TRMT11: variants seen among roughly 807,000 people sequenced by gnomAD.
The protein encoded by TRMT11 is tRNA methyltransferase 11, also known as tRNA (guanine(10)-N(2))-methyltransferase TRMT11.
Under a neutral mutation model 62.8 loss-of-function variants are expected in TRMT11, and 53 were observed. The observed-to-expected ratio is 0.84, with a 90% confidence interval of 0.68 to 1.06. The LOEUF (loss-of-function observed/expected upper bound fraction) is 1.06, where lower values mean the gene tolerates loss of function less well. Among genes scored for constraint, TRMT11 ranks in the 50% least tolerant of loss-of-function variants. The pLI is 0.00. For missense variants in TRMT11, 556 were observed against 553.4 expected (o/e 1.00, Z -0.05); for synonymous variants, 188 against 190.3 (o/e 0.99, Z 0.10).
intron 7 of TRMT11, among the ~76,000 whole-genome samples, chr6:126,006,346 G>A (rs1343631852): frequency 6.6e-6 from 1 of 151,304 alleles, no homozygotes; most frequent in African/African-American, 2.4e-5. Context: ...CTCCACGTTT[G>A]CAAAGCTTTC....
chr6:126,011,757 A>T (rs1012796255), intron 9 of TRMT11, among the ~76,000 whole-genome samples: 10 of 152,066 alleles, frequency 6.6e-5, no homozygotes, highest in African/African-American at 2.4e-4. Flanking sequence ...TATTATACCA[A>T]CTGGAGCTCA....
intron 7 of TRMT11, 24 bp from the exon 8 acceptor site, chr6:126,008,368 G>A (rs1296853430): frequency 6.2e-7 from 1 of 1,608,916 alleles, no homozygotes; most frequent in South Asian, 1.1e-5. Context: ...CTGGTTAACA[G>A]GTCAAAATTG....
At chr6:126,176,782 A>G (rs1778390100), upstream of TRMT11, among the ~76,000 whole-genome samples, 1 of 152,186 alleles carries the variant, frequency 6.6e-6, no homozygotes. Flanking sequence ...AAGCCCATTA[A>G]AATGATTGTT....
At chr6:126,213,701 A>T in the TRMT11 span, among the ~76,000 whole-genome samples, 30 of 152,152 alleles carry the variant, frequency 2.0e-4, no homozygotes, top group South Asian at 6.2e-3. Flanking sequence ...AAACAATGAT[A>T]CTTTGACTTC....
the TRMT11 span, among the ~76,000 whole-genome samples, chr6:126,215,936 C>G: frequency 6.6e-6 from 1 of 152,136 alleles, no homozygotes; most frequent in South Asian, 2.1e-4. Flanking sequence ...CTTGTACTGT[C>G]TATGACTTAA....
At chr6:126,228,305 C>T in the TRMT11 span, among the ~76,000 whole-genome samples, 2 of 152,196 alleles carry the variant, frequency 1.3e-5, no homozygotes, top group African/African-American at 4.8e-5. Flanking sequence ...AGTCCAGTGT[C>T]AGGGACAGAT....
intron 6 of TRMT11, 108 bp downstream of exon 6, chr6:125,998,792 C>G (rs1792023722): frequency 9.9e-7 from 1 of 1,009,488 alleles, no homozygotes; most frequent in African/African-American, 1.6e-5. Context: ...AGAGTCAGAA[C>G]TACTGAATGG....
In TRMT11 at chr6:126,110,949, A is replaced by G. The variant is rs1349064542; in HGVS notation, c.*1438-1917A>G. On this transcript the variant is annotated intron_variant and NMD_transcript_variant, in intron 17 of 22. Coordinates refer to the TRMT11 transcript ENST00000648977. Reference sequence around the variant, plus strand: ...AAAAAGATGAGAATACTTCCAAAACAGAAATATTGAATAATGCATTTTCAG... The same window carrying G: ...AAAAAGATGAGAATACTTCCAAAACGGAAATATTGAATAATGCATTTTCAG... 2.0e-5 allele frequency among the ~76,000 whole-genome samples: 3 copies of G among 152,178 alleles called. No homozygotes were observed. In the South Asian group the frequency reaches 6.2e-4, roughly 31 times the overall value.
intron 17 of TRMT11, among the ~76,000 whole-genome samples, chr6:126,105,286 C>G (rs1044845395): frequency 3.9e-5 from 6 of 152,190 alleles, no homozygotes; most frequent in Non-Finnish European, 8.8e-5. Flanking sequence ...ACCTTGCCCT[C>G]CCAGCAAGAG....
intron 17 of TRMT11, among the ~76,000 whole-genome samples, chr6:126,088,172 G>C (rs980330187): frequency 3.3e-5 from 5 of 151,680 alleles, no homozygotes; most frequent in African/African-American, 7.3e-5. Context: ...ATAGTATATA[G>C]TAAGCACTCA....
At chr6:126,104,394 C>T (rs992198074) in intron 17 of TRMT11, among the ~76,000 whole-genome samples, 1 of 152,164 alleles carries the variant, frequency 6.6e-6, no homozygotes, top group Admixed American at 6.5e-5. Context: ...GTCAAGAACC[C>T]AACCTGGAGG....
the TRMT11 span, among the ~76,000 whole-genome samples, chr6:126,209,495 TGGATCACAA>T: frequency 6.6e-6 from 1 of 150,948 alleles, no homozygotes; most frequent in Non-Finnish European, 1.5e-5. Context: ...CCGAGGTGGG[TGGATCACAA>T]GGTCAGGAGA....
chr6:126,063,316 A>T (rs1776591514), intron 17 of TRMT11, among the ~76,000 whole-genome samples: 1 of 152,228 alleles, frequency 6.6e-6, no homozygotes, highest in Admixed American at 6.5e-5. Context: ...GATATGTTAA[A>T]GTTTAGATAT....
chr6:126,176,320 G>A (rs1046269174), upstream of TRMT11, among the ~76,000 whole-genome samples: 2 of 152,028 alleles, frequency 1.3e-5, no homozygotes, highest in Admixed American at 1.3e-4. Context: ...AATATAGTCA[G>A]CACACTTCAC....
At chr6:126,000,333 G>A (rs1434630382) in intron 7 of TRMT11, among the ~76,000 whole-genome samples, 1 of 152,100 alleles carries the variant, frequency 6.6e-6, no homozygotes, top group Non-Finnish European at 1.5e-5. Context: ...TCATTTTGTG[G>A]TTGGAGCCTG....
intron 12 of TRMT11, among the ~76,000 whole-genome samples, chr6:126,032,967 C>G (rs73773344): frequency 0.012 from 1,900 of 152,288 alleles, 40 homozygotes; most frequent in African/African-American, 0.041. Context: ...CCTGATACTA[C>G]TCTTCAAAAA....
intron 17 of TRMT11, among the ~76,000 whole-genome samples, chr6:126,067,083 C>A (rs1776715159): frequency 6.6e-6 from 1 of 151,890 alleles, no homozygotes; most frequent in Non-Finnish European, 1.5e-5. Context: ...CAAAAGTTAG[C>A]CAGTTATGGT....
the TRMT11 span, among the ~76,000 whole-genome samples, chr6:126,212,101 T>C: frequency 2.0e-5 from 3 of 152,168 alleles, no homozygotes; most frequent in Non-Finnish European, 4.4e-5. Context: ...AATGACAGGA[T>C]CTCATTTTTT....
intron 11 of TRMT11, among the ~76,000 whole-genome samples, chr6:126,018,968 C>T (rs945447015): frequency 1.3e-5 from 2 of 152,064 alleles, no homozygotes; most frequent in Non-Finnish European, 2.9e-5. Flanking sequence ...ACAACCTCCA[C>T]CTCCCAGGTT....
Sources: gnomAD v4.1 joint callset for allele counts (sites outside exome capture counted in the v4.1 genomes callset) on GRCh38, gnomAD v4.1.1 for gene constraint, MANE v1.5 for transcripts, NCBI Gene and HGNC (gene_info 2026-07-23, HGNC 2026-07-21) for gene names.